FHOD3: variants seen among roughly 807,000 people sequenced by gnomAD.
The protein encoded by FHOD3 is formin homology 2 domain containing 3.
In FHOD3, 90 loss-of-function variants were observed where a neutral mutation model predicts 173.0. The ratio of observed to expected loss-of-function variants is 0.52; its 90% CI spans 0.44 to 0.62. The LOEUF (loss-of-function observed/expected upper bound fraction) is 0.62, where lower values mean the gene tolerates loss of function less well. Ranked by LOEUF, FHOD3 falls within the 20% of genes least tolerant of loss-of-function variation. FHOD3 has a pLI of 0.00. For synonymous variants in FHOD3, 828 were observed against 823.0 expected, an observed-to-expected ratio of 1.01 and a Z score of -0.10; for missense variants, 1,945 against 2,034.7, an observed-to-expected ratio of 0.96 and a Z score of 0.85.
At chr18:36,300,801 T>C (rs1423113394) in intron 1 of FHOD3, among the ~76,000 whole-genome samples, 2 of 152,038 alleles carry the variant, frequency 1.3e-5, no homozygotes, top group Non-Finnish European at 2.9e-5. Flanking sequence ...TGCAGTGGTG[T>C]GATCATGGCT....
intron 5 of FHOD3, among the ~76,000 whole-genome samples, chr18:36,547,122 G>A (rs1402897380): frequency 6.6e-6 from 1 of 152,188 alleles, no homozygotes; most frequent in Non-Finnish European, 1.5e-5. Flanking sequence ...GGTTGGAGCT[G>A]GGCTCTGTGC....
chr18:36,696,190 G>A (rs1335217785), intron 17 of FHOD3, among the ~76,000 whole-genome samples: 3 of 152,130 alleles, frequency 2.0e-5, no homozygotes, highest in African/African-American at 7.2e-5. Flanking sequence ...ACAGTGCTGG[G>A]AGTGTAATTA....
intron 8 of FHOD3, among the ~76,000 whole-genome samples, chr18:36,603,023 G>A (rs149667788): frequency 6.6e-6 from 1 of 150,802 alleles, no homozygotes; most frequent in Non-Finnish European, 1.5e-5. Context: ...GCATCTACAA[G>A]CCAGGGAACG....
chr18:36,640,960 T>C (rs2035260557), intron 10 of FHOD3, among the ~76,000 whole-genome samples: 1 of 152,224 alleles, frequency 6.6e-6, no homozygotes, highest in Non-Finnish European at 1.5e-5. Context: ...TCAGAGTTCT[T>C]ACTGGCAACC....
chr18:36,369,504 TATAGAG>T (rs1464927602), intron 2 of FHOD3, among the ~76,000 whole-genome samples: 8 of 129,372 alleles, frequency 6.2e-5, no homozygotes, highest in Admixed American at 2.3e-4. Context: ...CACACATATA[TATAGAG>T]AGAGAGAGAG....
chr18:36,665,584 G>T (rs953483273), intron 14 of FHOD3, among the ~76,000 whole-genome samples: 1 of 151,624 alleles, frequency 6.6e-6, no homozygotes, highest in African/African-American at 2.4e-5. Context: ...GGCCTGGTGG[G>T]GGGGCAGGGA....
At chr18:36,728,683 G>A (rs1400353591) in intron 19 of FHOD3, among the ~76,000 whole-genome samples, 1 of 152,116 alleles carries the variant, frequency 6.6e-6, no homozygotes, top group African/African-American at 2.4e-5. Flanking sequence ...AGTCTGGGAG[G>A]TTCCAGGAGG....
intron 3 of FHOD3, among the ~76,000 whole-genome samples, chr18:36,478,488 C>T (rs887584430): frequency 7.6e-6 from 1 of 131,222 alleles, no homozygotes; most frequent in African/African-American, 2.9e-5. Context: ...GTTGTGCTAT[C>T]AAATACTAGC....
chr18:36,719,362 T>TG (rs772376520), intron 19 of FHOD3, among the ~76,000 whole-genome samples: 9 of 152,358 alleles, frequency 5.9e-5, no homozygotes, highest in African/African-American at 1.7e-4. Flanking sequence ...CTTTTATCAA[T>TG]GGAAACACTG....
intron 6 of FHOD3, among the ~76,000 whole-genome samples, chr18:36,588,048 C>T (rs1267954257): frequency 1.3e-5 from 2 of 152,216 alleles, no homozygotes; most frequent in South Asian, 2.1e-4. Flanking sequence ...TCTCCACACT[C>T]TCCCTTGAAG....
Position 36,756,095 on chromosome 18 carries a change from T to A in FHOD3, c.4425+784T>A, listed in dbSNP as rs2150214266. On this transcript the variant is annotated intron_variant, in intron 25 of 28. Transcript: ENST00000590592. Reference sequence around the variant, plus strand: ...GCCAGAGACCAACGGAGGTACATAGTGCAGGTTCCTTTTTCTTAATGTGCC... The same window carrying A: ...GCCAGAGACCAACGGAGGTACATAGAGCAGGTTCCTTTTTCTTAATGTGCC... Among the ~76,000 whole-genome samples the A allele has an allele frequency of 2.0e-5, 3 of 152,304 alleles. No homozygotes were observed. The South Asian group carries it at 6.2e-4, about 32-fold the overall frequency.
At chr18:36,669,765 T>C (rs1187478028) in intron 14 of FHOD3, among the ~76,000 whole-genome samples, 2 of 152,016 alleles carry the variant, frequency 1.3e-5, no homozygotes, top group African/African-American at 4.8e-5. Flanking sequence ...TTATGTCTGC[T>C]GTAAACAATT....
Position 36,605,363 on chromosome 18 carries a change from A to C in FHOD3, c.813+2595A>C, listed in dbSNP as rs554931413. On this transcript the variant is annotated intron_variant, in intron 8 of 28. Coordinates refer to ENST00000590592, the MANE Select transcript of FHOD3 (RefSeq NM_001281740.3). ...ACAATGTGGTACTTTGTTGCTAATC[A>C]CTGGCAGAGACCCAGTGCCTGTCAC... is the stretch of plus-strand genomic sequence containing the variant. Among the ~76,000 whole-genome samples, 6 of 152,308 alleles carry C rather than the reference A, an allele frequency of 3.9e-5. No homozygotes were observed. In the South Asian group the frequency reaches 1.2e-3, roughly 32 times the overall value.
chr18:36,347,365 A>G (rs1192702789), intron 1 of FHOD3, among the ~76,000 whole-genome samples: 2 of 152,230 alleles, frequency 1.3e-5, no homozygotes, highest in Non-Finnish European at 2.9e-5. Flanking sequence ...TAAGCTCTGA[A>G]TGGGAGACAT....
chr18:36,512,572 GC>G, intron 5 of FHOD3, 29 bp downstream of exon 5: 1 of 1,516,466 alleles, frequency 6.6e-7, no homozygotes. Flanking sequence ...TGCAGCAGCT[GC>G]CCCAGCTGCA....
chr18:36,765,891 A>C (rs2043118600), intron 27 of FHOD3, among the ~76,000 whole-genome samples: 1 of 152,172 alleles, frequency 6.6e-6, no homozygotes, highest in Admixed American at 6.5e-5. Context: ...ATGGACCAGA[A>C]GCAATATTTG....
chr18:36,427,541 T>C (rs1315489973), intron 3 of FHOD3, among the ~76,000 whole-genome samples: 1 of 152,234 alleles, frequency 6.6e-6, no homozygotes. Context: ...GGAAGACTTC[T>C]CCAGATCCCT....
At chr18:36,525,615 G>T (rs901039544) in intron 5 of FHOD3, among the ~76,000 whole-genome samples, 6 of 152,212 alleles carry the variant, frequency 3.9e-5, no homozygotes, top group Admixed American at 3.9e-4. Context: ...GCTAAATTTG[G>T]TACAGAATAC....
intron 9 of FHOD3, among the ~76,000 whole-genome samples, chr18:36,612,999 T>G (rs752387862): frequency 4.6e-5 from 7 of 152,206 alleles, no homozygotes; most frequent in Non-Finnish European, 7.3e-5. Context: ...TCAGCATAAG[T>G]TGTTGTCTAA....
Sources: gnomAD v4.1 joint callset for allele counts (sites outside exome capture counted in the v4.1 genomes callset) on GRCh38, gnomAD v4.1.1 for gene constraint, MANE v1.5 for transcripts, NCBI Gene and HGNC (gene_info 2026-07-23, HGNC 2026-07-21) for gene names.